The following EXOC6B variants were observed in gnomAD, a reference collection of about 807,000 sequenced individuals.
The protein encoded by EXOC6B is exocyst complex component 6B.
Under a neutral mutation model 113.5 loss-of-function variants are expected in EXOC6B, and 54 were observed. The ratio of observed to expected loss-of-function variants is 0.48; its 90% CI spans 0.38 to 0.60. The LOEUF is 0.60. EXOC6B is among the 20% of genes least tolerant of loss of function. EXOC6B has a pLI of 0.00. For missense variants in EXOC6B, 797 were observed against 977.5 expected, an observed-to-expected ratio of 0.82 and a Z score of 2.46; for synonymous variants, 357 against 339.0, an observed-to-expected ratio of 1.05 and a Z score of -0.58.
chr2:72,240,976 A>G (rs2104506407), intron 20 of EXOC6B, among the ~76,000 whole-genome samples: 1 of 152,358 alleles, frequency 6.6e-6, no homozygotes, highest in South Asian at 2.1e-4. Context: ...GAAACAAAGA[A>G]GCAGAAATAA....
At chr2:72,793,367 A>G (rs1045796260) in intron 1 of EXOC6B, among the ~76,000 whole-genome samples, 2 of 152,250 alleles carry the variant, frequency 1.3e-5, no homozygotes, top group Admixed American at 1.3e-4. Flanking sequence ...TGCATTTAAT[A>G]TAGAGTAACT....
chr2:72,817,983 T>G (rs958769979), intron 1 of EXOC6B, among the ~76,000 whole-genome samples: 10 of 152,018 alleles, frequency 6.6e-5, no homozygotes, highest in Admixed American at 5.9e-4. Flanking sequence ...TTGTTGTCAT[T>G]GTTTTTGAGA....
chr2:72,539,166 A>G (rs1702459007), intron 8 of EXOC6B, among the ~76,000 whole-genome samples: 1 of 152,126 alleles, frequency 6.6e-6, no homozygotes, highest in African/African-American at 2.4e-5. Context: ...CAGCCTACCC[A>G]GAACGCTTGA....
intron 20 of EXOC6B, among the ~76,000 whole-genome samples, chr2:72,307,846 T>C (rs980713515): frequency 6.6e-5 from 10 of 152,194 alleles, no homozygotes; most frequent in Admixed American, 2.0e-4. Flanking sequence ...AAGTTTAGTA[T>C]ACCTTGCATT....
intron 16 of EXOC6B, among the ~76,000 whole-genome samples, chr2:72,490,968 T>A (rs1711838): frequency 0.074 from 11,302 of 152,198 alleles, 491 homozygotes; most frequent in Non-Finnish European, 0.1. Context: ...AACAGTTACA[T>A]GAAGAGTTAT....
Position 72,199,226 on chromosome 2 carries a change from A to AT in EXOC6B, c.2197-15040dup, listed in dbSNP as rs1365502718. 2.2e-4 allele frequency among the ~76,000 whole-genome samples: 33 copies of AT among 152,258 alleles called. 1 individual carries two copies. Among genetic ancestry groups the AT allele is most frequent in the Middle Eastern group, 6.8e-3 (2 of 294 alleles). Reference sequence around the variant, plus strand: ...AAATTCTATTTAGATTTTCAAGGTGATTTTATTAGACAGCTGACTTAAAGG... The same window carrying AT: ...AAATTCTATTTAGATTTTCAAGGTGATTTTTATTAGACAGCTGACTTAAAGG... On this transcript the variant is annotated intron_variant, in intron 20 of 21. Coordinates refer to ENST00000272427, the MANE Select transcript of EXOC6B (RefSeq NM_015189.3).
At chr2:72,684,089 A>G (rs1284493979) in intron 6 of EXOC6B, among the ~76,000 whole-genome samples, 2 of 152,002 alleles carry the variant, frequency 1.3e-5, no homozygotes, top group Non-Finnish European at 2.9e-5. Flanking sequence ...CCATCAGCAC[A>G]CCCAGCTAAT....
At chr2:72,674,146 T>C (rs546075810) in intron 6 of EXOC6B, among the ~76,000 whole-genome samples, 2 of 152,330 alleles carry the variant, frequency 1.3e-5, no homozygotes, top group South Asian at 4.1e-4. Context: ...ACCACTTTGA[T>C]TTTATGAGAC....
chr2:72,710,990 C>G (rs1033753003), intron 6 of EXOC6B, among the ~76,000 whole-genome samples: 2 of 152,138 alleles, frequency 1.3e-5, no homozygotes, highest in African/African-American at 4.8e-5. Flanking sequence ...AAGGCTCACA[C>G]AGAAATCAGC....
intron 6 of EXOC6B, among the ~76,000 whole-genome samples, chr2:72,628,444 T>TA (rs1415564052): frequency 1.3e-5 from 2 of 152,140 alleles, no homozygotes; most frequent in African/African-American, 4.8e-5. Context: ...AAATTATTTT[T>TA]AAATTAATCT....
chr2:72,262,905 A>G (rs945096676), intron 20 of EXOC6B, among the ~76,000 whole-genome samples: 5 of 152,238 alleles, frequency 3.3e-5, no homozygotes, highest in Admixed American at 3.3e-4. Context: ...GCAACTAACA[A>G]TAAGACAAAC....
chr2:72,370,178 A>T (rs1191557068), intron 19 of EXOC6B, among the ~76,000 whole-genome samples: 3 of 152,190 alleles, frequency 2.0e-5, no homozygotes, highest in African/African-American at 4.8e-5. Flanking sequence ...AAAAACAAAC[A>T]ACCCCTTCAA....
intron 6 of EXOC6B, among the ~76,000 whole-genome samples, chr2:72,650,078 C>T (rs1158702378): frequency 6.6e-6 from 1 of 152,190 alleles, no homozygotes; most frequent in African/African-American, 2.4e-5. Flanking sequence ...ACCTGACTTC[C>T]GCCTCCTGTC....
At chr2:72,670,759 T>C (rs190207225) in intron 6 of EXOC6B, among the ~76,000 whole-genome samples, 4 of 152,350 alleles carry the variant, frequency 2.6e-5, no homozygotes, top group East Asian at 3.9e-4. Flanking sequence ...GCTTCTTTAC[T>C]GAATGCTATT....
intron 20 of EXOC6B, among the ~76,000 whole-genome samples, chr2:72,286,697 T>G (rs1685448120): frequency 6.6e-6 from 1 of 152,088 alleles, no homozygotes; most frequent in South Asian, 2.1e-4. Flanking sequence ...AACATACCAC[T>G]CTGGGGGGAA....
At chr2:72,629,269 G>A (rs1672244807) in intron 6 of EXOC6B, among the ~76,000 whole-genome samples, 2 of 152,116 alleles carry the variant, frequency 1.3e-5, no homozygotes, top group Admixed American at 1.3e-4. Flanking sequence ...CCAGAAACTA[G>A]AGCAGTACTA....
At chr2:72,735,929 A>C (rs1446986250) in intron 2 of EXOC6B, among the ~76,000 whole-genome samples, 4 of 152,052 alleles carry the variant, frequency 2.6e-5, no homozygotes, top group Non-Finnish European at 5.9e-5. Flanking sequence ...TCACACCTGT[A>C]ATCCCAGCAT....
At chr2:72,427,351 G>T (rs1264256348) in intron 18 of EXOC6B, among the ~76,000 whole-genome samples, 1 of 152,128 alleles carries the variant, frequency 6.6e-6, no homozygotes, top group Non-Finnish European at 1.5e-5. Context: ...GCAGGACTTG[G>T]GTGTCTCTGC....
intron 1 of EXOC6B, among the ~76,000 whole-genome samples, chr2:72,796,177 G>A (rs1684932616): frequency 1.3e-5 from 2 of 151,238 alleles, no homozygotes; most frequent in South Asian, 2.1e-4. Flanking sequence ...GAGAGGCTGG[G>A]TGCGGTGGCT....
Sources: gnomAD v4.1 joint callset for allele counts (sites outside exome capture counted in the v4.1 genomes callset) on GRCh38, gnomAD v4.1.1 for gene constraint, MANE v1.5 for transcripts, NCBI Gene and HGNC (gene_info 2026-07-23, HGNC 2026-07-21) for gene names.